LHFPL6: variants seen among roughly 807,000 people sequenced by gnomAD.
LHFPL6 encodes the protein LHFPL tetraspan subfamily member 6 protein.
In LHFPL6, 9 loss-of-function variants were observed where a neutral mutation model predicts 20.6. That is an observed-to-expected ratio of 0.44 (90% CI 0.26 to 0.76). LHFPL6 has a LOEUF of 0.76. Among genes scored for constraint, LHFPL6 ranks in the 30% least tolerant of loss-of-function variants. The probability of loss-of-function intolerance (pLI) is 0.20; values close to 1 mark genes in which losing one functional copy is unlikely to be tolerated. For missense variants in LHFPL6, 218 were observed against 253.5 expected, an observed-to-expected ratio of 0.86 and a Z score of 0.95; for synonymous variants, 105 against 98.7, an observed-to-expected ratio of 1.06 and a Z score of -0.38.
intron 3 of LHFPL6, among the ~76,000 whole-genome samples, chr13:39,345,512 CAAAAAAAAAA>C (rs71077225): frequency 0.024 from 1,050 of 43,464 alleles, 37 homozygotes; most frequent in Non-Finnish European, 0.032. Context: ...GACTCCATCT[CAAAAAAAAAA>C]AAAAAAAAAA....
chr13:39,513,529 C>A (rs1368412341), intron 2 of LHFPL6, among the ~76,000 whole-genome samples: 1 of 152,154 alleles, frequency 6.6e-6, no homozygotes, highest in Non-Finnish European at 1.5e-5. Flanking sequence ...AGAAATAAGT[C>A]TACATGTTCT....
At chr13:39,539,856 G>A (rs1321713939) in intron 2 of LHFPL6, among the ~76,000 whole-genome samples, 1 of 152,112 alleles carries the variant, frequency 6.6e-6, no homozygotes, top group Non-Finnish European at 1.5e-5. Flanking sequence ...CCTATTAAAA[G>A]TTTACCTATA....
chr13:39,406,417 T>G (rs980967255), intron 2 of LHFPL6, among the ~76,000 whole-genome samples: 1 of 152,200 alleles, frequency 6.6e-6, no homozygotes, highest in African/African-American at 2.4e-5. Flanking sequence ...CAATGTCTGG[T>G]CTCATGTATT....
chr13:39,526,783 C>A (rs1359375752), intron 2 of LHFPL6, among the ~76,000 whole-genome samples: 1 of 152,206 alleles, frequency 6.6e-6, no homozygotes, highest in Admixed American at 6.5e-5. Context: ...CACGTGCAAC[C>A]TCATTTTACA....
At chr13:39,550,003 A>G (rs1042291641) in intron 2 of LHFPL6, among the ~76,000 whole-genome samples, 11 of 152,118 alleles carry the variant, frequency 7.2e-5, no homozygotes, top group Non-Finnish European at 1.0e-4. Context: ...GAGAATGCCA[A>G]TAAATGGGTG....
At chr13:39,489,492 C>T (rs752776571) in intron 2 of LHFPL6, among the ~76,000 whole-genome samples, 80 of 151,408 alleles carry the variant, frequency 5.3e-4, no homozygotes, top group Non-Finnish European at 1.0e-3. Flanking sequence ...GATTCCATGG[C>T]TTTTCATACA....
At chr13:39,573,634 G>A (rs899650083) in intron 2 of LHFPL6, among the ~76,000 whole-genome samples, 2 of 151,844 alleles carry the variant, frequency 1.3e-5, no homozygotes, top group Admixed American at 1.3e-4. Context: ...AACATCACAA[G>A]TTTTTTAATT....
At chr13:39,420,833 G>T (rs1173979822) in intron 2 of LHFPL6, among the ~76,000 whole-genome samples, 1 of 152,192 alleles carries the variant, frequency 6.6e-6, no homozygotes, top group Non-Finnish European at 1.5e-5. Context: ...TCTATAGATT[G>T]TATTTGCCCA....
intron 2 of LHFPL6, among the ~76,000 whole-genome samples, chr13:39,437,690 T>A (rs1024889109): frequency 6.6e-6 from 1 of 151,890 alleles, no homozygotes; most frequent in African/African-American, 2.4e-5. Flanking sequence ...GATCACGAGG[T>A]CAGGAGATCA....
At chr13:39,576,450 G>T (rs1872118476) in intron 2 of LHFPL6, among the ~76,000 whole-genome samples, 1 of 152,158 alleles carries the variant, frequency 6.6e-6, no homozygotes, top group Admixed American at 6.5e-5. Flanking sequence ...AGGAAGCAAA[G>T]AAGCAAAGCT....
chr13:39,578,582 C>T (rs1304671619), intron 2 of LHFPL6, among the ~76,000 whole-genome samples: 6 of 152,146 alleles, frequency 3.9e-5, no homozygotes, highest in Admixed American at 2.0e-4. Context: ...ACAGAGGACA[C>T]GGGGCAAGCA....
At chr13:39,379,647 T>C (rs1870386567) in intron 2 of LHFPL6, among the ~76,000 whole-genome samples, 1 of 152,180 alleles carries the variant, frequency 6.6e-6, no homozygotes, top group African/African-American at 2.4e-5. Flanking sequence ...AATTGACCAG[T>C]AGTAATCCAT....
At chr13:39,500,893 G>C (rs1348316689) in intron 2 of LHFPL6, among the ~76,000 whole-genome samples, 3 of 152,170 alleles carry the variant, frequency 2.0e-5, no homozygotes, top group African/African-American at 7.2e-5. Flanking sequence ...TTTCAGATTT[G>C]AGTGAGCATG....
intron 3 of LHFPL6, among the ~76,000 whole-genome samples, chr13:39,361,707 T>C (rs1367288238): frequency 3.3e-5 from 5 of 152,340 alleles, no homozygotes; most frequent in Middle Eastern, 3.4e-3. Context: ...TGACAAACAA[T>C]ACCCAGCACA....
At chr13:39,353,738 T>C (rs535589740) in intron 3 of LHFPL6, among the ~76,000 whole-genome samples, 27 of 152,058 alleles carry the variant, frequency 1.8e-4, no homozygotes, top group Middle Eastern at 3.4e-3. Flanking sequence ...ACAAAAAAAC[T>C]CCTGTTTCTT....
chr13:39,425,318 G>A (rs1379256648), intron 2 of LHFPL6, among the ~76,000 whole-genome samples: 3 of 152,200 alleles, frequency 2.0e-5, no homozygotes, highest in Non-Finnish European at 2.9e-5. Context: ...TTCACCTGTT[G>A]ATAATGTCTG....
chr13:39,540,365 A>G (rs937207432), intron 2 of LHFPL6, among the ~76,000 whole-genome samples: 2 of 152,162 alleles, frequency 1.3e-5, no homozygotes, highest in African/African-American at 4.8e-5. Flanking sequence ...GCTAATTTTA[A>G]GTCTTGTTAG....
intron 2 of LHFPL6, among the ~76,000 whole-genome samples, chr13:39,554,981 C>T (rs1368501648): frequency 3.3e-5 from 5 of 152,166 alleles, no homozygotes; most frequent in Non-Finnish European, 7.3e-5. Flanking sequence ...GTGGGAGGAA[C>T]TCTTCAGAAA....
chr13:39,490,493 A>G (rs978987010), intron 2 of LHFPL6, among the ~76,000 whole-genome samples: 3 of 152,182 alleles, frequency 2.0e-5, no homozygotes, highest in African/African-American at 4.8e-5. Context: ...TGTTAACTCC[A>G]TCTCCACTCT....
Sources: gnomAD v4.1 joint callset for allele counts (sites outside exome capture counted in the v4.1 genomes callset) on GRCh38, gnomAD v4.1.1 for gene constraint, MANE v1.5 for transcripts, NCBI Gene and HGNC (gene_info 2026-07-23, HGNC 2026-07-21) for gene names.